The following DMP1 variants were observed in gnomAD, a reference collection of about 807,000 sequenced individuals.
DMP1 encodes the protein dentin matrix acidic phosphoprotein 1.
Under a neutral mutation model 14.6 loss-of-function variants are expected in DMP1, and 20 were observed. That is an observed-to-expected ratio of 1.37 (90% CI 0.96 to 1.99). The LOEUF is 1.99. Ranked by LOEUF, DMP1 falls within the 30% of genes most tolerant of loss-of-function variation. The pLI, the probability that DMP1 is intolerant of heterozygous loss-of-function variation, is 0.00. For missense variants in DMP1, 567 were observed against 620.5 expected, an observed-to-expected ratio of 0.91 and a Z score of 0.92; for synonymous variants, 197 against 215.3, an observed-to-expected ratio of 0.91 and a Z score of 0.75.
At chr4:87,654,403 T>C (rs183515355) in intron 1 of DMP1, among the ~76,000 whole-genome samples, 5 of 152,294 alleles carry the variant, frequency 3.3e-5, no homozygotes, top group African/African-American at 1.2e-4. Context: ...TTCTGAGGCC[T>C]TCATTATGGA....
chr4:87,659,798 C>T (rs114035976), intron 5 of DMP1, among the ~76,000 whole-genome samples: 3,048 of 152,278 alleles, frequency 0.02, 115 homozygotes, highest in African/African-American at 0.068. Context: ...CAAACTTGCT[C>T]ATCAACTTAA....
chr4:87,652,967 T>G (rs984778339), intron 1 of DMP1, among the ~76,000 whole-genome samples: 1 of 152,144 alleles, frequency 6.6e-6, no homozygotes, highest in African/African-American at 2.4e-5. Flanking sequence ...GAAATAAACC[T>G]AACACATTTT....
At chr4:87,653,409 A>ATATATATATATATATATATATTT (rs1728584741) in intron 1 of DMP1, among the ~76,000 whole-genome samples, 5 of 113,638 alleles carry the variant, frequency 4.4e-5, no homozygotes, top group Non-Finnish European at 3.6e-5. Context: ...ATATATATAT[A>ATATATATATATATATATATATTT]TATATATATA....
In DMP1 at chr4:87,650,501, C is replaced by A. The variant is rs1019921107; in HGVS notation, c.-22+117C>A. 1.3e-5 allele frequency: 2 copies of A among 152,108 alleles called. 1 individual carries two copies. Among genetic ancestry groups the A allele is most frequent in the Admixed American group, 1.3e-4 (2 of 15,268 alleles). The allele number at this position is 152,108 out of a possible 1,614,324, so 9.4% of individuals were successfully genotyped here. A position where few individuals can be genotyped will look rare whatever the true frequency, so the allele number is the denominator to read the frequency against. Reference sequence around the variant, plus strand: ...CATGTAGAGAGAGATGGGAGAGCTGCGCTTTGGGTAAAAACAGTTCCTATT... The same window carrying A: ...CATGTAGAGAGAGATGGGAGAGCTGAGCTTTGGGTAAAAACAGTTCCTATT... On this transcript the variant is annotated intron_variant, in intron 1 of 5. Coordinates refer to ENST00000339673, the MANE Select transcript of DMP1 (RefSeq NM_004407.4).
At chr4:87,660,133 A>G (rs1728818486) in intron 5 of DMP1, among the ~76,000 whole-genome samples, 1 of 152,236 alleles carries the variant, frequency 6.6e-6, no homozygotes, top group South Asian at 2.1e-4. Flanking sequence ...TCCAGGAGCC[A>G]GGTTTCTCCC....
intron 1 of DMP1, among the ~76,000 whole-genome samples, chr4:87,653,091 A>G (rs1728565830): frequency 6.6e-6 from 1 of 151,980 alleles, no homozygotes; most frequent in South Asian, 2.1e-4. Flanking sequence ...TAATTGAAGG[A>G]TTTTTAAAAG....
chr4:87,661,276 A>G (rs928742603), intron 5 of DMP1, among the ~76,000 whole-genome samples: 1 of 129,202 alleles, frequency 7.7e-6, no homozygotes, highest in Non-Finnish European at 1.6e-5. Flanking sequence ...GCTGGAGTGC[A>G]GTGGCGCAAT....
chr4:87,664,056 C>T lies in DMP1; in HGVS notation c.*736C>T, dbSNP rs1386209822. 8.7e-6 allele frequency: 1 copy of T among 114,564 alleles called. No homozygotes were observed. Among genetic ancestry groups the T allele is most frequent in the African/African-American group, 3.7e-5 (1 of 26,940 alleles). 7.1% of individuals were successfully genotyped at this position (114,564 alleles called of 1,614,324 possible). On this transcript the variant is annotated 3_prime_UTR_variant, in exon 6 of 6. Coordinates refer to ENST00000339673, the MANE Select transcript of DMP1 (RefSeq NM_004407.4). Reference sequence around the variant, plus strand: ...AATCTTTTTCTCCCAATTAATTTACCAATTCATCATTTTTTTTTTTTTGTA... The same window carrying T: ...AATCTTTTTCTCCCAATTAATTTACTAATTCATCATTTTTTTTTTTTTGTA...
intron 3 of DMP1, among the ~76,000 whole-genome samples, chr4:87,658,563 A>G (rs1371179342): frequency 6.6e-6 from 1 of 152,188 alleles, no homozygotes; most frequent in Non-Finnish European, 1.5e-5. Context: ...TATAAGGTGG[A>G]TGTTATCAAA....
chr4:87,657,655 G>A (rs920623268), intron 3 of DMP1, among the ~76,000 whole-genome samples: 7 of 152,218 alleles, frequency 4.6e-5, no homozygotes, highest in African/African-American at 7.2e-5. Context: ...TAATTCAATC[G>A]TCTAGGTTAC....
chr4:87,655,437 C>A (rs556596330), intron 1 of DMP1, among the ~76,000 whole-genome samples: 1 of 151,988 alleles, frequency 6.6e-6, no homozygotes, highest in Non-Finnish European at 1.5e-5. Context: ...CAAGTGTATC[C>A]CAAACCTGTA....
chr4:87,659,216 G>T lies in DMP1; in HGVS notation c.103-4G>T, dbSNP rs1324646096. On this transcript the variant is annotated splice_region_variant and splice_polypyrimidine_tract_variant and intron_variant, in intron 3 of 5. Coordinates refer to ENST00000339673, the MANE Select transcript of DMP1 (RefSeq NM_004407.4). The stretch of plus-strand genomic sequence containing the variant: ...TTTGTTTTCCTTCCTTTCCTTTTTT[G>T]CAGGGTCATTTGGCTCAGGCACCAA... The T allele has an allele frequency of 4.3e-6, 7 of 1,613,116 alleles. No homozygotes were observed. The highest frequency in any genetic ancestry group is 4.2e-6 in the Non-Finnish European group (5 of 1,179,718).
intron 5 of DMP1, among the ~76,000 whole-genome samples, chr4:87,660,400 T>G: frequency 6.6e-6 from 1 of 152,098 alleles, no homozygotes; most frequent in East Asian, 1.9e-4. Context: ...TGCTTGTGAG[T>G]TGGGTTAACG....
At chr4:87,661,842 A>G (rs1728894094) in intron 5 of DMP1, 120 bp from the exon 6 acceptor site, 7 of 1,567,398 alleles carry the variant, frequency 4.5e-6, no homozygotes, top group Non-Finnish European at 6.1e-6. Flanking sequence ...AGTAAAACTG[A>G]CCGTAGATTA....
intron 1 of DMP1, among the ~76,000 whole-genome samples, chr4:87,653,386 G>GAC (rs1400220280): frequency 1.7e-5 from 1 of 57,728 alleles, no homozygotes; most frequent in Admixed American, 2.5e-4. Flanking sequence ...ATTATCGAGT[G>GAC]ATATATATAT....
intron 3 of DMP1, chr4:87,658,945 G>A (rs968070344): frequency 1.3e-5 from 6 of 475,876 alleles, no homozygotes; most frequent in Admixed American, 1.1e-4. Context: ...TTGTATGAAC[G>A]GCCAGGTTCA....
chr4:87,653,386 G>GATATATATATATAT (rs57266829), intron 1 of DMP1, among the ~76,000 whole-genome samples: 3 of 57,766 alleles, frequency 5.2e-5, no homozygotes, highest in African/African-American at 9.8e-5. Flanking sequence ...ATTATCGAGT[G>GATATATATATATAT]ATATATATAT....
At chr4:87,655,846 T>G in intron 1 of DMP1, among the ~76,000 whole-genome samples, 1 of 152,212 alleles carries the variant, frequency 6.6e-6, no homozygotes, top group East Asian at 1.9e-4. Context: ...ATTTCTATAT[T>G]CCTCTTTCTT....
rs1297278584 is a variant in DMP1, at chr4:87,663,026, G to A, written c.1248G>A (p.Glu416=). 6.8e-6 allele frequency: 11 copies of A among 1,614,058 alleles called. No individual in the cohort carries two copies. Among genetic ancestry groups the A allele is most frequent in the South Asian group, 1.1e-5 (1 of 91,094 alleles). The stretch of plus-strand genomic sequence containing the variant: ...CCAGTGAGAGCCTCAACTTCTCAGA[G>A]GAAAGCCCGGAGTCCCCTGAGGATG... ...SESSESLNFS[E]ESPESPEDEN... The change falls in exon 6 of 6, where the codon GAG becomes GAA. Residue 416 remains glutamate (E), a synonymous_variant. Transcript: ENST00000339673.
Sources: gnomAD v4.1 joint callset for allele counts (sites outside exome capture counted in the v4.1 genomes callset) on GRCh38, gnomAD v4.1.1 for gene constraint, MANE v1.5 for transcripts, NCBI Gene and HGNC (gene_info 2026-07-23, HGNC 2026-07-21) for gene names.